Variants in ZFHX3 observed in about 807,000 individuals in gnomAD.
ZFHX3 encodes zinc finger homeobox 3.
ZFHX3 carries 42 observed loss-of-function variants against 279.1 expected under a neutral mutation model. That is an observed-to-expected ratio of 0.15 (90% CI 0.12 to 0.19). The LOEUF is 0.19. Among genes scored for constraint, ZFHX3 ranks in the 10% least tolerant of loss-of-function variants. The probability of loss-of-function intolerance (pLI) is 1.00; values close to 1 mark genes in which losing one functional copy is unlikely to be tolerated. For missense variants in ZFHX3, 4,981 were observed against 4,754.0 expected (o/e 1.05, Z -1.40); for synonymous variants, 2,293 against 1,957.8 (o/e 1.17, Z -4.52).
chr16:73,399,033 A>ATTTTTTTTTTT (rs531100796), intron 3 of ZFHX3, among the ~76,000 whole-genome samples: 1 of 139,558 alleles, frequency 7.2e-6, no homozygotes. Flanking sequence ...CCCCCCGCTA[A>ATTTTTTTTTTT]TTTTTTTTTT....
intron 1 of ZFHX3, among the ~76,000 whole-genome samples, chr16:73,780,100 A>ACTGCAT (rs1345336090): frequency 8.8e-6 from 1 of 113,720 alleles, no homozygotes; most frequent in African/African-American, 3.2e-5. Flanking sequence ...AGCAAAACTC[A>ACTGCAT]CTGCATTTGA....
At chr16:72,819,713 C>G (rs2036728608) in intron 5 of ZFHX3, among the ~76,000 whole-genome samples, 1 of 152,158 alleles carries the variant, frequency 6.6e-6, no homozygotes, top group Non-Finnish European at 1.5e-5. Flanking sequence ...ATGATACTCT[C>G]ATCTAAACTC....
At chr16:72,989,989 G>C (rs1437993206) in intron 1 of ZFHX3, among the ~76,000 whole-genome samples, 1 of 152,150 alleles carries the variant, frequency 6.6e-6, no homozygotes. Context: ...TTCCCTAACA[G>C]GGTCCCACAG....
At chr16:73,643,134 A>C (rs181122603) in intron 2 of ZFHX3, among the ~76,000 whole-genome samples, 3 of 152,224 alleles carry the variant, frequency 2.0e-5, no homozygotes, top group Admixed American at 6.5e-5. Flanking sequence ...AAAAGAACTA[A>C]AACAATATTT....
Position 72,783,820 on chromosome 16 carries a change from G to T in ZFHX3, c.*3344C>A, listed in dbSNP as rs1253456062. On this transcript the variant is annotated 3_prime_UTR_variant, in exon 10 of 10. Transcript: ENST00000268489. ...CCAGCTACCTACAATGCAGCAGACA[G>T]GAATAAATTCCCCAAGTGAGATAAA... is the stretch of plus-strand genomic sequence containing the variant. 4 of 152,198 alleles carry T rather than the reference G, an allele frequency of 2.6e-5. No homozygotes were observed. The highest frequency in any genetic ancestry group is 5.9e-5 in the Non-Finnish European group (4 of 68,034). 9.4% of individuals were successfully genotyped at this position (152,198 alleles called of 1,614,324 possible).
chr16:72,898,379 G>A (rs1448656657), intron 3 of ZFHX3, among the ~76,000 whole-genome samples: 3 of 152,190 alleles, frequency 2.0e-5, no homozygotes, highest in Non-Finnish European at 4.4e-5. Flanking sequence ...AGCCATGATT[G>A]CTCACTCTCC....
intron 3 of ZFHX3, among the ~76,000 whole-genome samples, chr16:73,319,610 T>C (rs2015531393): frequency 6.6e-6 from 1 of 151,892 alleles, no homozygotes; most frequent in Non-Finnish European, 1.5e-5. Flanking sequence ...TCATCTCTTT[T>C]TGATCAAACT....
chr16:73,299,855 T>C (rs560838410), intron 4 of ZFHX3, among the ~76,000 whole-genome samples: 16 of 152,322 alleles, frequency 1.1e-4, no homozygotes, highest in Non-Finnish European at 2.1e-4. Flanking sequence ...AGCAGACCTA[T>C]GACAATTACC....
chr16:73,112,502 C>G (rs1966386834), intron 7 of ZFHX3, among the ~76,000 whole-genome samples: 1 of 151,946 alleles, frequency 6.6e-6, no homozygotes. Context: ...CACCTGAGGT[C>G]AGGAGTTTGA....
chr16:73,781,186 G>T (rs1032455128), intron 1 of ZFHX3, among the ~76,000 whole-genome samples: 1 of 152,176 alleles, frequency 6.6e-6, no homozygotes, highest in Admixed American at 6.5e-5. Flanking sequence ...AAGAGAGCAA[G>T]CAACGTAGCT....
intron 7 of ZFHX3, among the ~76,000 whole-genome samples, chr16:73,112,691 G>A (rs981852749): frequency 1.3e-4 from 19 of 147,140 alleles, no homozygotes; most frequent in African/African-American, 4.8e-4. Context: ...ACTCCAGCCT[G>A]GGCGACGGCG....
chr16:73,030,637 G>C (rs1405390377), intron 1 of ZFHX3, among the ~76,000 whole-genome samples: 6 of 144,344 alleles, frequency 4.2e-5, no homozygotes, highest in African/African-American at 1.5e-4. Flanking sequence ...AGGGAAAAGA[G>C]AAAAAAAAAA....
At chr16:72,862,298 C>T (rs2037908715) in intron 4 of ZFHX3, among the ~76,000 whole-genome samples, 1 of 152,242 alleles carries the variant, frequency 6.6e-6, no homozygotes, top group South Asian at 2.1e-4. Flanking sequence ...CCTTCTGCCC[C>T]AGGGCCTTTG....
chr16:73,035,539 A>G (rs1437521557), intron 1 of ZFHX3, among the ~76,000 whole-genome samples: 1 of 152,234 alleles, frequency 6.6e-6, no homozygotes, highest in Non-Finnish European at 1.5e-5. Context: ...GCCAAACTCA[A>G]GTATAAACTA....
intron 8 of ZFHX3, among the ~76,000 whole-genome samples, chr16:73,064,760 G>A (rs982821242): frequency 6.6e-5 from 10 of 152,154 alleles, no homozygotes; most frequent in Non-Finnish European, 1.5e-4. Context: ...TCAGTTCCAG[G>A]GTTTGAGTCA....
intron 4 of ZFHX3, among the ~76,000 whole-genome samples, chr16:73,291,011 A>C (rs2014754892): frequency 6.6e-6 from 1 of 152,242 alleles, no homozygotes; most frequent in African/African-American, 2.4e-5. Flanking sequence ...AGGAGGGCTT[A>C]GAAGATGTAA....
chr16:73,886,981 G>C (rs1226029726), intron 1 of ZFHX3, among the ~76,000 whole-genome samples: 1 of 151,914 alleles, frequency 6.6e-6, no homozygotes, highest in Non-Finnish European at 1.5e-5. Context: ...GAAAATGAAG[G>C]GTTTCCGCTG....
At chr16:73,516,042 T>C (rs754055040) in intron 2 of ZFHX3, among the ~76,000 whole-genome samples, 73 of 152,228 alleles carry the variant, frequency 4.8e-4, no homozygotes, top group Non-Finnish European at 9.7e-4. Flanking sequence ...GGGGAAACCA[T>C]GTCAGCACCT....
intron 1 of ZFHX3, among the ~76,000 whole-genome samples, chr16:72,962,047 G>A (rs1961604610): frequency 6.6e-6 from 1 of 152,180 alleles, no homozygotes; most frequent in African/African-American, 2.4e-5. Context: ...TTGATAGCTT[G>A]GGCCAAAAAG....
Sources: allele counts gnomAD v4.1 joint callset (sites outside exome capture counted in the v4.1 genomes callset), GRCh38; gene constraint gnomAD v4.1.1; transcripts MANE v1.5; gene names NCBI Gene and HGNC (gene_info 2026-07-23, HGNC 2026-07-21).